Variants in GTF2E2 observed in about 807,000 individuals in gnomAD.
The protein encoded by GTF2E2 is transcription initiation factor IIE subunit beta.
GTF2E2 carries 21 observed loss-of-function variants against 40.5 expected under a neutral mutation model. The observed-to-expected ratio is 0.52, with a 90% CI of 0.37 to 0.75. The LOEUF (loss-of-function observed/expected upper bound fraction) is 0.75, where lower values mean the gene tolerates loss of function less well. GTF2E2 is among the 30% of genes least tolerant of loss of function. The pLI is 0.00. For missense variants in GTF2E2, 298 were observed against 338.4 expected (o/e 0.88, Z 0.94); for synonymous variants, 117 against 121.6 (o/e 0.96, Z 0.25).
chr8:30,657,214 C>G (rs529779653), intron 1 of GTF2E2, among the ~76,000 whole-genome samples: 17 of 152,236 alleles, frequency 1.1e-4, no homozygotes, highest in South Asian at 6.2e-4. Flanking sequence ...TCTCTGGACC[C>G]CCCTATGGAG....
chr8:30,650,110 CCT>C (rs1382410343), intron 2 of GTF2E2, among the ~76,000 whole-genome samples: 4 of 152,016 alleles, frequency 2.6e-5, no homozygotes, highest in Non-Finnish European at 5.9e-5. Flanking sequence ...CCAGAATTAC[CCT>C]GAGAGGCACC....
chr8:30,624,285 T>G (rs2151138506), intron 3 of GTF2E2, among the ~76,000 whole-genome samples: 1 of 152,284 alleles, frequency 6.6e-6, no homozygotes, highest in Non-Finnish European at 1.5e-5. Context: ...TCCTCATTGC[T>G]TGTTTTTGTC....
At chr8:30,620,238 A>AC (rs1491510800) in intron 3 of GTF2E2, among the ~76,000 whole-genome samples, 4 of 48,730 alleles carry the variant, frequency 8.2e-5, no homozygotes, top group Admixed American at 3.0e-4. Flanking sequence ...ACACACACAC[A>AC]AACACACACA....
intron 3 of GTF2E2, among the ~76,000 whole-genome samples, chr8:30,631,755 C>G (rs964672637): frequency 3.3e-5 from 5 of 152,122 alleles, no homozygotes; most frequent in South Asian, 2.1e-4. Context: ...TTATTTATAC[C>G]TAATAGCTGA....
chr8:30,596,129 C>A lies in GTF2E2; in HGVS notation c.643+10928G>T, dbSNP rs73574187. Among the ~76,000 whole-genome samples the A allele has an allele frequency of 7.8e-3, 1,194 of 152,146 alleles. 23 individuals carry two copies. Among genetic ancestry groups the A allele is most frequent in the African/African-American group, 0.027 (1,119 of 41,510 alleles). On this transcript the variant is annotated intron_variant, in intron 6 of 7. Transcript: ENST00000355904. ...GCCTCGGTGTTTTTCTGTCATTTGC[C>A]TGGTTTGGGGGATGATCTATTGGTG...
At chr8:30,586,504 T>C (rs1419408032) in intron 6 of GTF2E2, among the ~76,000 whole-genome samples, 1 of 152,120 alleles carries the variant, frequency 6.6e-6, no homozygotes, top group African/African-American at 2.4e-5. Flanking sequence ...CCTATAAAAA[T>C]TCCAATGTCA....
At chr8:30,629,408 A>C (rs968350810) in intron 3 of GTF2E2, among the ~76,000 whole-genome samples, 13 of 152,008 alleles carry the variant, frequency 8.6e-5, no homozygotes, top group Non-Finnish European at 1.6e-4. Context: ...CTTTTTTAAA[A>C]ACAGACTGTT....
intron 6 of GTF2E2, among the ~76,000 whole-genome samples, chr8:30,586,881 A>G (rs79058919): frequency 3.3e-5 from 5 of 152,364 alleles, no homozygotes; most frequent in African/African-American, 4.8e-5. Flanking sequence ...AGACTTAAAC[A>G]TAAGACCTGA....
intron 6 of GTF2E2, chr8:30,584,923 G>A (rs1451643764): frequency 6.6e-6 from 1 of 152,148 alleles, no homozygotes; most frequent in African/African-American, 2.4e-5. Flanking sequence ...CGAGCGTGGT[G>A]GCTCTGTAAT....
At position 30,599,416 on chromosome 8, in the gene GTF2E2, A is replaced by G. The variant is rs185239207; in HGVS notation, c.643+7641T>C. ...AACATGGTGAAACCCTGTCTCTACT[A>G]AAAACACAAAAAATTAGCCAGGCAT... On this transcript the variant is annotated intron_variant, in intron 6 of 7. Transcript: ENST00000355904. Among the ~76,000 whole-genome samples the G allele has an allele frequency of 3.8e-3, 580 of 152,160 alleles. 2 individuals carry two copies. The highest frequency in any genetic ancestry group is 0.013 in the African/African-American group (533 of 41,518).
chr8:30,638,912 T>C (rs534599623), intron 2 of GTF2E2, among the ~76,000 whole-genome samples: 11 of 152,294 alleles, frequency 7.2e-5, no homozygotes, highest in African/African-American at 1.2e-4. Flanking sequence ...GAGTAAACCA[T>C]AGCTTTTTAT....
At chr8:30,639,456 A>C (rs1056824760) in intron 2 of GTF2E2, among the ~76,000 whole-genome samples, 2 of 152,228 alleles carry the variant, frequency 1.3e-5, no homozygotes, top group African/African-American at 4.8e-5. Context: ...CCTCAAAATA[A>C]ATACAAAGTA....
intron 3 of GTF2E2, among the ~76,000 whole-genome samples, chr8:30,625,747 C>T (rs932116360): frequency 1.1e-4 from 16 of 152,200 alleles, no homozygotes; most frequent in African/African-American, 1.7e-4. Context: ...TACAGCCATG[C>T]GCCATCACAC....
At chr8:30,624,495 G>A (rs1801210090) in intron 3 of GTF2E2, among the ~76,000 whole-genome samples, 1 of 152,092 alleles carries the variant, frequency 6.6e-6, no homozygotes. Context: ...CACAATGCGG[G>A]CTCTTTTTTG....
chr8:30,625,303 C>T (rs1352296499), intron 3 of GTF2E2, among the ~76,000 whole-genome samples: 2 of 151,904 alleles, frequency 1.3e-5, no homozygotes, highest in African/African-American at 4.8e-5. Context: ...TGTTTATATG[C>T]TGGATTACGT....
intron 6 of GTF2E2, among the ~76,000 whole-genome samples, chr8:30,583,578 T>C (rs1015238815): frequency 6.6e-6 from 1 of 151,576 alleles, no homozygotes; most frequent in African/African-American, 2.4e-5. Flanking sequence ...CAGGGTTTCA[T>C]CATGTTGCCA....
intron 2 of GTF2E2, 94 bp from the exon 3 acceptor site, chr8:30,635,217 G>C: frequency 1.4e-6 from 1 of 692,092 alleles, no homozygotes. Flanking sequence ...CATATTTCTT[G>C]AGTTTTTCAT....
intron 6 of GTF2E2, among the ~76,000 whole-genome samples, chr8:30,586,335 C>G (rs894190935): frequency 6.6e-6 from 1 of 152,132 alleles, no homozygotes; most frequent in Non-Finnish European, 1.5e-5. Flanking sequence ...ATGTCCACAA[C>G]GTAATCCCCA....
intron 5 of GTF2E2, 121 bp from the exon 6 acceptor site, chr8:30,607,271 G>A (rs569495545): frequency 3.0e-5 from 14 of 461,808 alleles, no homozygotes; most frequent in African/African-American, 2.9e-4. Flanking sequence ...CCACCATAGG[G>A]TCCTCCACCA....
Sources: allele counts gnomAD v4.1 joint callset (sites outside exome capture counted in the v4.1 genomes callset), GRCh38; gene constraint gnomAD v4.1.1; transcripts MANE v1.5; gene names NCBI Gene and HGNC (gene_info 2026-07-23, HGNC 2026-07-21).